The following GLIS3 variants were observed in gnomAD, a reference collection of about 807,000 sequenced individuals.
GLIS3 encodes the protein GLIS family zinc finger 3, also known as zinc finger protein GLIS3.
In GLIS3, 53 loss-of-function variants were observed where a neutral mutation model predicts 78.6. That is an observed-to-expected ratio of 0.67 (90% CI 0.54 to 0.85). The LOEUF is 0.85. Among genes scored for constraint, GLIS3 ranks in the 40% least tolerant of loss-of-function variants. The pLI is 0.00. For synonymous variants in GLIS3, 684 were observed against 509.9 expected (o/e 1.34, Z -4.60); for missense variants, 1,703 against 1,231.1 (o/e 1.38, Z -5.74).
At chr9:4,260,339 G>T (rs1825394111) in intron 2 of GLIS3, among the ~76,000 whole-genome samples, 1 of 152,078 alleles carries the variant, frequency 6.6e-6, no homozygotes, top group Admixed American at 6.5e-5. Context: ...GGCCGAGGTG[G>T]GTCGATCACG....
intron 4 of GLIS3, among the ~76,000 whole-genome samples, chr9:4,003,614 C>G (rs1219379356): frequency 2.0e-5 from 3 of 152,180 alleles, no homozygotes; most frequent in South Asian, 4.1e-4. Context: ...TTTTGAGTGT[C>G]TCTAAGTCTC....
At chr9:4,366,168 C>T in the GLIS3 span, among the ~76,000 whole-genome samples, 2 of 152,194 alleles carry the variant, frequency 1.3e-5, no homozygotes, top group Non-Finnish European at 2.9e-5. Flanking sequence ...CTTTAACCGT[C>T]CTTAATTTGG....
At position 4,216,688 on chromosome 9, in the gene GLIS3, T is replaced by A. The variant is rs528794463; in HGVS notation, c.388+69350A>T. On this transcript the variant is annotated intron_variant, in intron 2 of 10. Coordinates refer to ENST00000381971, the MANE Select transcript of GLIS3 (RefSeq NM_001042413.2). ...AGCTCTATCCCAATATGCCTATGCC[T>A]TCCAGTGCACTCAAAGTCCAATGTG... Among the ~76,000 whole-genome samples, 3 of 152,228 alleles carry A rather than the reference T, an allele frequency of 2.0e-5. No individual in the cohort carries two copies. In the East Asian group the frequency reaches 5.8e-4, roughly 29 times the overall value.
At chr9:4,039,634 T>C (rs1824633082) in intron 4 of GLIS3, among the ~76,000 whole-genome samples, 1 of 152,182 alleles carries the variant, frequency 6.6e-6, no homozygotes, top group African/African-American at 2.4e-5. Flanking sequence ...CACCACTATT[T>C]AGTGCCAAAG....
At chr9:4,445,084 G>C in the GLIS3 span, among the ~76,000 whole-genome samples, 4 of 152,152 alleles carry the variant, frequency 2.6e-5, no homozygotes, top group Admixed American at 2.6e-4. Flanking sequence ...GGGAATATTA[G>C]AAAGACGGAA....
the GLIS3 span, among the ~76,000 whole-genome samples, chr9:4,385,535 G>A: frequency 1.2e-4 from 18 of 151,734 alleles, no homozygotes; most frequent in African/African-American, 3.9e-4. Context: ...TGTAGTGATG[G>A]GCACCTGTAA....
At chr9:4,269,629 T>A (rs965592045) in intron 2 of GLIS3, among the ~76,000 whole-genome samples, 1 of 152,280 alleles carries the variant, frequency 6.6e-6, no homozygotes, top group African/African-American at 2.4e-5. Context: ...TGGGCTGGAG[T>A]ATTTTCATAT....
At chr9:4,054,555 C>T (rs574365281) in intron 4 of GLIS3, 3 of 932,866 alleles carry the variant, frequency 3.2e-6, no homozygotes, top group African/African-American at 1.8e-5. Flanking sequence ...CAGTGCGGAG[C>T]AGGTCACAAG....
chr9:4,445,720 C>T, the GLIS3 span, among the ~76,000 whole-genome samples: 1 of 152,202 alleles, frequency 6.6e-6, no homozygotes, highest in Non-Finnish European at 1.5e-5. Context: ...ACGACCTACT[C>T]ATGGACACAG....
intron 4 of GLIS3, among the ~76,000 whole-genome samples, chr9:3,962,952 G>T (rs911495299): frequency 6.6e-6 from 1 of 150,996 alleles, no homozygotes; most frequent in Non-Finnish European, 1.5e-5. Flanking sequence ...TTTAAGGGGG[G>T]GGGGGGGAGA....
At chr9:4,160,650 GTA>G (rs1193241216) in intron 2 of GLIS3, among the ~76,000 whole-genome samples, 6 of 152,162 alleles carry the variant, frequency 3.9e-5, no homozygotes, top group African/African-American at 1.2e-4. Flanking sequence ...CAAAGTCCTT[GTA>G]TTTTAGGTAA....
At chr9:4,069,054 T>A (rs995145283) in intron 4 of GLIS3, among the ~76,000 whole-genome samples, 1 of 152,102 alleles carries the variant, frequency 6.6e-6, no homozygotes, top group Non-Finnish European at 1.5e-5. Context: ...TTAGTTCCAA[T>A]AAATGTATGG....
chr9:4,421,918 A>T, the GLIS3 span, among the ~76,000 whole-genome samples: 6 of 152,198 alleles, frequency 3.9e-5, no homozygotes, highest in African/African-American at 1.4e-4. Context: ...TAGGAAAACA[A>T]TCAGATGTTT....
the GLIS3 span, among the ~76,000 whole-genome samples, chr9:4,374,717 A>G: frequency 2.0e-5 from 3 of 152,096 alleles, no homozygotes; most frequent in African/African-American, 2.4e-5. Flanking sequence ...ATGAATGATC[A>G]CATACATAAA....
intron 2 of GLIS3, among the ~76,000 whole-genome samples, chr9:4,162,090 G>A (rs1431316423): frequency 1.3e-5 from 2 of 152,094 alleles, no homozygotes; most frequent in African/African-American, 2.4e-5. Context: ...GTGGTTGCCA[G>A]CAACACTGAC....
the GLIS3 span, among the ~76,000 whole-genome samples, chr9:4,465,860 A>C: frequency 6.6e-6 from 1 of 152,232 alleles, no homozygotes; most frequent in African/African-American, 2.4e-5. Flanking sequence ...AAAGCCAGAA[A>C]ACATAATTTA....
intron 1 of GLIS3, among the ~76,000 whole-genome samples, chr9:4,290,113 A>G (rs1227295891): frequency 6.6e-6 from 1 of 152,168 alleles, no homozygotes; most frequent in African/African-American, 2.4e-5. Context: ...GCCTATTTAC[A>G]GCTAAAGGCC....
At position 3,854,842 on chromosome 9, in the gene GLIS3, C is replaced by A. The variant is rs796402572; in HGVS notation, c.2473+1167G>T. Among the ~76,000 whole-genome samples, 30 of 152,270 alleles carry A rather than the reference C, an allele frequency of 2.0e-4. 1 individual carries two copies. The highest frequency in any genetic ancestry group is 7.2e-4 in the African/African-American group (30 of 41,548). On this transcript the variant is annotated intron_variant, in intron 9 of 10. Coordinates refer to ENST00000381971, the MANE Select transcript of GLIS3 (RefSeq NM_001042413.2). The stretch of plus-strand genomic sequence containing the variant: ...TACAGGCGTGAGCCACCATGCCCAG[C>A]CTACTTTGATGTTCTTATCCAAGCC...
intron 4 of GLIS3, among the ~76,000 whole-genome samples, chr9:3,991,956 C>T (rs1820339562): frequency 6.6e-6 from 1 of 152,138 alleles, no homozygotes; most frequent in African/African-American, 2.4e-5. Flanking sequence ...TCCCAAAGTG[C>T]TGGGATTACA....
Sources: gnomAD v4.1 joint callset for allele counts (sites outside exome capture counted in the v4.1 genomes callset) on GRCh38, gnomAD v4.1.1 for gene constraint, MANE v1.5 for transcripts, NCBI Gene and HGNC (gene_info 2026-07-23, HGNC 2026-07-21) for gene names.